The following PRRG1 variants were observed in gnomAD, a reference collection of about 807,000 sequenced individuals.
PRRG1 encodes the protein proline rich and Gla domain 1.
Under a neutral mutation model 11.8 loss-of-function variants are expected in PRRG1, and 5 were observed. The ratio of observed to expected loss-of-function variants is 0.42; its 90% CI spans 0.22 to 0.89. The LOEUF is 0.89. Among genes scored for constraint, PRRG1 ranks in the 40% least tolerant of loss-of-function variants. The pLI is 0.28. For synonymous variants in PRRG1, 66 were observed against 60.4 expected (o/e 1.09, Z -0.43); for missense variants, 155 against 166.1 (o/e 0.93, Z 0.37).
At chrX:37,354,184 A>G (rs1930160463) in intron 1 of PRRG1, among the ~76,000 whole-genome samples, 1 of 110,813 alleles carries the variant, frequency 9.0e-6, no homozygotes, top group Non-Finnish European at 1.9e-5. Context: ...TCTAGGATAG[A>G]GTCTAAGAAT....
chrX:37,354,387 A>T (rs5964177), intron 1 of PRRG1, among the ~76,000 whole-genome samples: 6 of 105,351 alleles, frequency 5.7e-5, no homozygotes, highest in African/African-American at 1.0e-4. Flanking sequence ...TTTTATTTTT[A>T]TTTTTTTATT....
chrX:37,407,563 C>A (rs1473436009), intron 2 of PRRG1, among the ~76,000 whole-genome samples: 1 of 111,678 alleles, frequency 9.0e-6, no homozygotes, highest in Non-Finnish European at 1.9e-5. Context: ...TAGAACCTCC[C>A]TAAACTCGTT....
rs145352431 is a variant in PRRG1 at position 37,384,657 on chromosome X, G to T, written c.-41-21552G>T. Among the ~76,000 whole-genome samples, 405 of 111,590 alleles carry T rather than the reference G, an allele frequency of 3.6e-3. 2 individuals carry two copies. Among genetic ancestry groups the T allele is most frequent in the Non-Finnish European group, 5.5e-3 (293 of 53,057 alleles). On this transcript the variant is annotated intron_variant, in intron 1 of 3. Transcript: ENST00000378628. The stretch of plus-strand genomic sequence containing the variant: ...TTGATGTATGTTTAAATGGACAAAA[G>T]ACTTGAAACAGGCACTTCACAAAAG...
At chrX:37,358,494 T>C (rs1469034221) in intron 1 of PRRG1, among the ~76,000 whole-genome samples, 2 of 111,816 alleles carry the variant, frequency 1.8e-5, no homozygotes, top group African/African-American at 3.2e-5. Context: ...GAAAAGTCTA[T>C]CTTCATTGTT....
intron 1 of PRRG1, among the ~76,000 whole-genome samples, chrX:37,363,975 A>G (rs912293703): frequency 1.9e-4 from 21 of 110,976 alleles, no homozygotes; most frequent in Admixed American, 1.5e-3. Context: ...TTCTCCCCCT[A>G]CCTAACACCC....
rs1464544372 is a variant in PRRG1, at chrX:37,420,678, AAAAAAAAAAG to A, written c.11-5157_11-5148del. Among the ~76,000 whole-genome samples, 35 of 105,270 alleles carry A rather than the reference AAAAAAAAAAG, an allele frequency of 3.3e-4. 1 individual carries two copies. Among genetic ancestry groups the A allele is most frequent in the African/African-American group, 1.3e-3 (35 of 27,601 alleles). 91.4% of individuals were successfully genotyped at this position (105,270 alleles called of 115,157 possible). A position where few individuals can be genotyped will look rare whatever the true frequency, so the allele number is the denominator to read the frequency against. On this transcript the variant is annotated intron_variant, in intron 2 of 3. Coordinates refer to ENST00000378628, the MANE Select transcript of PRRG1 (RefSeq NM_001142395.2). ...AAAACCCCGTCTATGCAAAAAAAAA[AAAAAAAAAAG>A]AAAAGAAAGAAAAAAGAAAAAAGAG...
chrX:37,350,800 C>G (rs1189679676), intron 1 of PRRG1, among the ~76,000 whole-genome samples: 1 of 111,288 alleles, frequency 9.0e-6, no homozygotes, highest in Non-Finnish European at 1.9e-5. Context: ...AACACAATTA[C>G]CCCGCCCAAC....
intron 1 of PRRG1, among the ~76,000 whole-genome samples, chrX:37,366,347 C>A (rs1464816140): frequency 1.8e-5 from 2 of 112,105 alleles, no homozygotes; most frequent in African/African-American, 6.5e-5. Context: ...GAATGCAGAA[C>A]TTTTCACCTT....
chrX:37,398,250 C>T (rs1216001040), intron 1 of PRRG1, among the ~76,000 whole-genome samples: 1 of 110,879 alleles, frequency 9.0e-6, no homozygotes, highest in African/African-American at 3.3e-5. Flanking sequence ...CGGACTGACG[C>T]CTCACACGGC....
chrX:37,358,099 T>A (rs1930299122), intron 1 of PRRG1, among the ~76,000 whole-genome samples: 1 of 111,946 alleles, frequency 8.9e-6, no homozygotes, highest in South Asian at 3.7e-4. Context: ...AAATCATGTT[T>A]TTTTTTTTCT....
chrX:37,431,940 C>CATAT (rs1244942580), intron 3 of PRRG1, among the ~76,000 whole-genome samples: 1 of 105,326 alleles, frequency 9.5e-6, no homozygotes, highest in South Asian at 4.2e-4. Context: ...GCTTTATATA[C>CATAT]ATATATATAT....
intron 2 of PRRG1, among the ~76,000 whole-genome samples, chrX:37,407,408 A>G (rs1177737125): frequency 1.8e-5 from 2 of 112,275 alleles, no homozygotes; most frequent in Admixed American, 1.9e-4. Flanking sequence ...TTTACATTTT[A>G]TTAATTTTCA....
chrX:37,397,460 C>T (rs1320598777), intron 1 of PRRG1, among the ~76,000 whole-genome samples: 1 of 112,241 alleles, frequency 8.9e-6, no homozygotes, highest in Admixed American at 9.5e-5. Context: ...GATCTACTGC[C>T]TTGCACAGGC....
chrX:37,351,681 A>G (rs1343022569), intron 1 of PRRG1, among the ~76,000 whole-genome samples: 3 of 111,940 alleles, frequency 2.7e-5, no homozygotes, highest in African/African-American at 9.7e-5. Flanking sequence ...TTATCCCTCT[A>G]AAAAGAGGTG....
chrX:37,452,405 G>C (rs1339373365), intron 3 of PRRG1, among the ~76,000 whole-genome samples: 1 of 111,725 alleles, frequency 9.0e-6, no homozygotes, highest in African/African-American at 3.3e-5. Flanking sequence ...ACTAGTAATT[G>C]GGTCAAGTTT....
intron 2 of PRRG1, among the ~76,000 whole-genome samples, chrX:37,419,290 T>C (rs1362127402): frequency 1.8e-5 from 2 of 111,936 alleles, no homozygotes; most frequent in Non-Finnish European, 3.8e-5. Context: ...ATTCCAGTGA[T>C]GATAAGCTAT....
At position 37,430,553 on chromosome X, in the gene PRRG1, G is replaced by A. The variant is rs111557549; in HGVS notation, c.171+4553G>A. Reference sequence around the variant, plus strand: ...TAGTTGTATAATACACAATGGTTTCGGAATTGTAATATCTATACTGTAATG... The same window carrying A: ...TAGTTGTATAATACACAATGGTTTCAGAATTGTAATATCTATACTGTAATG... On this transcript the variant is annotated intron_variant, in intron 3 of 3. Coordinates refer to ENST00000378628, the MANE Select transcript of PRRG1 (RefSeq NM_001142395.2). Among the ~76,000 whole-genome samples the A allele has an allele frequency of 6.9e-3, 767 of 111,331 alleles. 5 individuals carry two copies. The highest frequency in any genetic ancestry group is 0.024 in the African/African-American group (722 of 30,647).
chrX:37,356,241 C>T (rs1335552065), intron 1 of PRRG1, among the ~76,000 whole-genome samples: 1 of 111,283 alleles, frequency 9.0e-6, no homozygotes, highest in Admixed American at 9.5e-5. Flanking sequence ...AAATACAAAG[C>T]AGGGAAGGTG....
At chrX:37,391,117 T>C (rs1200780354) in intron 1 of PRRG1, among the ~76,000 whole-genome samples, 2 of 111,947 alleles carry the variant, frequency 1.8e-5, no homozygotes, top group Non-Finnish European at 3.8e-5. Flanking sequence ...CCTCACTGAT[T>C]TCTCTCTTTC....
Sources: gnomAD v4.1 joint callset for allele counts (sites outside exome capture counted in the v4.1 genomes callset) on GRCh38, gnomAD v4.1.1 for gene constraint, MANE v1.5 for transcripts, NCBI Gene and HGNC (gene_info 2026-07-23, HGNC 2026-07-21) for gene names.